Variants in PPARA observed in about 807,000 individuals in gnomAD.
The protein encoded by PPARA is peroxisome proliferator activated receptor alpha, also known as peroxisome proliferator-activated receptor alpha.
Under a neutral mutation model 42.2 loss-of-function variants are expected in PPARA, and 22 were observed. That is an observed-to-expected ratio of 0.52 (90% CI 0.37 to 0.74). The LOEUF (loss-of-function observed/expected upper bound fraction) is 0.74. Ranked by LOEUF, PPARA falls within the 30% of genes least tolerant of loss-of-function variation. PPARA has a pLI of 0.00. For missense variants in PPARA, 465 were observed against 608.2 expected, an observed-to-expected ratio of 0.76 and a Z score of 2.48; for synonymous variants, 242 against 239.3, an observed-to-expected ratio of 1.01 and a Z score of -0.10.
rs141131981 is a variant in PPARA, at chr22:46,216,946, C to T, written c.370-1317C>T. ...GGTTTGAATCAGAAATCCCTTCTCA[C>T]GGTGCACGCTGCAGGTGTTCACTAA... On this transcript the variant is annotated intron_variant, in intron 5 of 8. Coordinates refer to ENST00000407236, the MANE Select transcript of PPARA (RefSeq NM_005036.6). This position sits in a 1 kb window ranked among gnomAD's most constrained non-coding sequence, Gnocchi z 4.5. 7.2e-5 allele frequency among the ~76,000 whole-genome samples: 11 copies of T among 152,340 alleles called. No homozygotes were observed. The East Asian group carries it at 9.6e-4, about 13-fold the overall frequency.
At chr22:46,154,804 G>C (rs1005749165) in intron 2 of PPARA, among the ~76,000 whole-genome samples, 2 of 150,208 alleles carry the variant, frequency 1.3e-5, no homozygotes, top group African/African-American at 2.4e-5. Context: ...CTCCCAAGCA[G>C]CTAGGACCAC....
In PPARA at chr22:46,230,429, C is replaced by T. The variant is rs1906584620; in HGVS notation, c.712-1363C>T. ...CATTATTGACCTGTGTCTGCATGAG[C>T]TGTGGACCACATTATAATCAGAGAG... On this transcript the variant is annotated intron_variant, in intron 7 of 8. Coordinates refer to ENST00000407236, the MANE Select transcript of PPARA (RefSeq NM_005036.6). The surrounding 1 kb of genome is among the most constrained non-coding windows in gnomAD (Gnocchi z 5.0). Among the ~76,000 whole-genome samples, 2 of 152,168 alleles carry T rather than the reference C, an allele frequency of 1.3e-5. No individual in the cohort carries two copies. The highest frequency in any genetic ancestry group is 2.9e-5 in the Non-Finnish European group (2 of 68,022).
intron 4 of PPARA, among the ~76,000 whole-genome samples, chr22:46,214,463 G>C (rs938784003): frequency 6.6e-6 from 1 of 151,502 alleles, no homozygotes; most frequent in African/African-American, 2.4e-5. Flanking sequence ...CCGGAGATGC[G>C]CAGATCAGGA....
chr22:46,228,008 C>T (rs4253766), intron 7 of PPARA, among the ~76,000 whole-genome samples: 25,417 of 152,134 alleles, frequency 0.17, 3,035 homozygotes, highest in African/African-American at 0.34. Flanking sequence ...GTCTCCAGTT[C>T]TCCCTGCTAA....
rs182436318 is a variant in PPARA at position 46,194,602 on chromosome 22, C to T, written c.-42-3740C>T. ...TTTTTTTTTTTTTGTGACAGAGTCT[C>T]GCTTTGTCACCCAGACTGGAGGGCA... On this transcript the variant is annotated intron_variant, in intron 3 of 8. Transcript: ENST00000407236. Among the ~76,000 whole-genome samples, 358 of 140,206 alleles carry T rather than the reference C, an allele frequency of 2.6e-3. 3 individuals are homozygous for T. Among genetic ancestry groups the T allele is most frequent in the Middle Eastern group, 0.012 (3 of 254 alleles). The allele number at this position is 140,206 out of a possible 152,430, so 92.0% of individuals were successfully genotyped here. A position where few individuals can be genotyped will look rare whatever the true frequency, so the allele number is the denominator to read the frequency against.
intron 4 of PPARA, among the ~76,000 whole-genome samples, chr22:46,206,773 A>G (rs888991743): frequency 3.3e-5 from 5 of 152,290 alleles, no homozygotes; most frequent in Middle Eastern, 3.4e-3. Context: ...CTAGTGCTAT[A>G]TACCTTTGTA....
intron 6 of PPARA, among the ~76,000 whole-genome samples, chr22:46,218,837 A>G (rs77566500): frequency 8.0e-6 from 1 of 125,138 alleles, no homozygotes; most frequent in Non-Finnish European, 1.8e-5. Flanking sequence ...CCGTCTCACA[A>G]AAAAAAAAAA....
chr22:46,198,364 A>G lies in PPARA; in HGVS notation c.-20A>G, dbSNP rs749518102. 1 of 1,612,700 alleles carries G rather than the reference A, an allele frequency of 6.2e-7. No homozygotes were observed. Among genetic ancestry groups the G allele is most frequent in the Admixed American group, 1.7e-5 (1 of 59,998 alleles). ...CAGTAGCTTGGAGCTCGGCGGCACA[A>G]CCAGCACCATCTGGTCGCGATGGTG... On this transcript the variant is annotated 5_prime_UTR_variant, in exon 4 of 9. Coordinates refer to ENST00000407236, the MANE Select transcript of PPARA (RefSeq NM_005036.6).
chr22:46,214,780 A>G (rs1378146783), intron 4 of PPARA, among the ~76,000 whole-genome samples: 4 of 147,714 alleles, frequency 2.7e-5, no homozygotes, highest in Non-Finnish European at 4.5e-5. Context: ...CGGGGCGGAG[A>G]TGTGTGGATC....
At chr22:46,154,378 G>A (rs934606811) in intron 2 of PPARA, among the ~76,000 whole-genome samples, 3 of 152,182 alleles carry the variant, frequency 2.0e-5, no homozygotes, top group African/African-American at 7.2e-5. Context: ...AGCACTTTGT[G>A]AGGCCGAAGG....
rs973938328 is a variant in PPARA at position 46,231,654 on chromosome 22, A to G, written c.712-138A>G. The G allele has an allele frequency of 1.3e-5, 11 of 829,498 alleles. No homozygotes were observed. Among genetic ancestry groups the G allele is most frequent in the Non-Finnish European group, 2.0e-5 (10 of 494,884 alleles). 51.4% of individuals were successfully genotyped at this position (829,498 alleles called of 1,614,324 possible). Reference sequence around the variant, plus strand: ...CCGATTTTGAAGTTGAGTAAGGACTATGTTCCGCGGGTATCTTGAGTCCTC... The same window carrying G: ...CCGATTTTGAAGTTGAGTAAGGACTGTGTTCCGCGGGTATCTTGAGTCCTC... On this transcript the variant is annotated intron_variant, in intron 7 of 8. Coordinates refer to ENST00000407236, the MANE Select transcript of PPARA (RefSeq NM_005036.6). The surrounding 1 kb of genome is among the most constrained non-coding windows in gnomAD (Gnocchi z 7.7).
intron 2 of PPARA, among the ~76,000 whole-genome samples, chr22:46,158,978 C>G (rs1925737474): frequency 6.6e-6 from 1 of 152,186 alleles, no homozygotes; most frequent in Non-Finnish European, 1.5e-5. Context: ...CAACCTCTGC[C>G]TCCGGGGTTC....
In PPARA at chr22:46,221,227, G is replaced by C. The variant is rs567182567; in HGVS notation, c.711+1213G>C. On this transcript the variant is annotated intron_variant, in intron 7 of 8. Coordinates refer to ENST00000407236, the MANE Select transcript of PPARA (RefSeq NM_005036.6). The surrounding 1 kb of genome is among the most constrained non-coding windows in gnomAD (Gnocchi z 5.9). ...AACGCTATCACTAGAGTAGCACCAA[G>C]AGGATGGTGCTAAACCATTCATGAA... Among the ~76,000 whole-genome samples, 10 of 152,256 alleles carry C rather than the reference G, an allele frequency of 6.6e-5. No homozygotes were observed. Among genetic ancestry groups the C allele is most frequent in the African/African-American group, 1.4e-4 (6 of 41,542 alleles).
intron 4 of PPARA, among the ~76,000 whole-genome samples, chr22:46,202,163 C>T (rs764536269): frequency 2.6e-5 from 4 of 152,150 alleles, no homozygotes; most frequent in African/African-American, 7.2e-5. Context: ...CTCCTGCCTC[C>T]TCTGGCAGCT....
Position 46,165,814 on chromosome 22 carries a change from A to T in PPARA, c.-126-10939A>T, listed in dbSNP as rs76755807. Among the ~76,000 whole-genome samples the T allele has an allele frequency of 6.6e-6, 1 of 152,084 alleles. No homozygotes were observed. The highest frequency in any genetic ancestry group is 6.6e-5 in the Admixed American group (1 of 15,266). ...TCATCCTAGGCCTCTAATTATTTTT[A>T]AGGACAATTTTTCAAATGCAGGCTT... On this transcript the variant is annotated intron_variant, in intron 2 of 8. Transcript: ENST00000407236. The surrounding 1 kb of genome is among the most constrained non-coding windows in gnomAD (Gnocchi z 5.5).
intron 4 of PPARA, among the ~76,000 whole-genome samples, chr22:46,201,904 G>T (rs1260232585): frequency 6.6e-6 from 1 of 152,182 alleles, no homozygotes; most frequent in African/African-American, 2.4e-5. Context: ...GATTTATCTT[G>T]CTTTTGTTTT....
Position 46,242,562 on chromosome 22 carries a change from T to G in PPARA, c.*7182T>G, listed in dbSNP as rs1221742778. On this transcript the variant is annotated 3_prime_UTR_variant, in exon 9 of 9. Transcript: ENST00000407236. This position sits in a 1 kb window ranked among gnomAD's most constrained non-coding sequence, Gnocchi z 6.1. Reference sequence around the variant, plus strand: ...TTTGACTTTTTGAAAAATATCCTAATACAAATATTTTACTAACTTACAATC... The same window carrying G: ...TTTGACTTTTTGAAAAATATCCTAAGACAAATATTTTACTAACTTACAATC... 1.3e-5 allele frequency: 2 copies of G among 152,656 alleles called. No homozygotes were observed. Among genetic ancestry groups the G allele is most frequent in the Middle Eastern group, 3.2e-3 (1 of 316 alleles). 9.5% of individuals were successfully genotyped at this position (152,656 alleles called of 1,614,324 possible).
chr22:46,198,375 C>G lies in PPARA; in HGVS notation c.-9C>G. On this transcript the variant is annotated 5_prime_UTR_variant, in exon 4 of 9. It adds an upstream start codon to the 5' untranslated region. Coordinates refer to ENST00000407236, the MANE Select transcript of PPARA (RefSeq NM_005036.6). ...AGCTCGGCGGCACAACCAGCACCAT[C>G]TGGTCGCGATGGTGGACACGGAAAG... The G allele has an allele frequency of 1.9e-6, 3 of 1,613,580 alleles. No homozygotes were observed. The highest frequency in any genetic ancestry group is 1.7e-4 in the Middle Eastern group (1 of 6,026).
rs980863408 is a variant in PPARA at position 46,191,141 on chromosome 22, C to T, written c.-42-7201C>T. Among the ~76,000 whole-genome samples the T allele has an allele frequency of 7.9e-5, 12 of 152,102 alleles. No individual in the cohort carries two copies. The highest frequency in any genetic ancestry group is 2.7e-4 in the African/African-American group (11 of 41,388). On this transcript the variant is annotated intron_variant, in intron 3 of 8. Coordinates refer to ENST00000407236, the MANE Select transcript of PPARA (RefSeq NM_005036.6). The surrounding 1 kb of genome is among the most constrained non-coding windows in gnomAD (Gnocchi z 4.6). ...CCGGGAGGCGTGGGGTTGCAGTGAG[C>T]CGAGATTGCACAACTGCACTCCAGC...
Sources: allele counts gnomAD v4.1 joint callset (sites outside exome capture counted in the v4.1 genomes callset), GRCh38; gene constraint gnomAD v4.1.1; non-coding constraint Gnocchi (gnomAD v3.1); transcripts MANE v1.5; gene names NCBI Gene and HGNC (gene_info 2026-07-23, HGNC 2026-07-21).